EOGT: variants seen among roughly 807,000 people sequenced by gnomAD.
EOGT encodes EGF domain-specific O-linked N-acetylglucosamine transferase.
In EOGT, 55 loss-of-function variants were observed where a neutral mutation model predicts 70.5. The observed-to-expected ratio is 0.78, with a 90% confidence interval of 0.63 to 0.98. The LOEUF (loss-of-function observed/expected upper bound fraction) is 0.98. Ranked by LOEUF, EOGT falls within the 50% of genes least tolerant of loss-of-function variation. The probability of loss-of-function intolerance (pLI) is 0.00; values close to 1 mark genes in which losing one functional copy is unlikely to be tolerated. For missense variants in EOGT, 703 were observed against 641.9 expected (o/e 1.10, Z -1.03); for synonymous variants, 246 against 217.1 (o/e 1.13, Z -1.17).
intron 9 of EOGT, 54 bp from the exon 10 acceptor site, chr3:68,998,168 G>A: frequency 2.0e-6 from 2 of 987,782 alleles, no homozygotes; most frequent in Non-Finnish European, 3.2e-6. Context: ...ACATGATCAA[G>A]CAAGTTTTAT....
At position 69,009,867 on chromosome 3, in the gene EOGT, A is replaced by G; in HGVS notation, c.-14-7T>C. The G allele has an allele frequency of 6.3e-7, 1 of 1,598,352 alleles. No homozygotes were observed. Among genetic ancestry groups the G allele is most frequent in the Non-Finnish European group, 8.6e-7 (1 of 1,168,964 alleles). On this transcript the variant is annotated splice_polypyrimidine_tract_variant and splice_region_variant and intron_variant, in intron 3 of 17. Transcript: ENST00000383701. ...AACATAGCAACCTGCAAACCTAGAG[A>G]TCAAAATGAAGACAACTTTGTTAAC...
At chr3:68,996,940 T>C (rs537355980) in intron 10 of EOGT, among the ~76,000 whole-genome samples, 1 of 152,360 alleles carries the variant, frequency 6.6e-6, no homozygotes, top group East Asian at 1.9e-4. Context: ...AGAGCACAAG[T>C]ACTGTGTACC....
At chr3:69,007,632 A>G (rs764703964) in intron 6 of EOGT, 81 bp downstream of exon 6, 88 of 898,124 alleles carry the variant, frequency 9.8e-5, no homozygotes, top group Non-Finnish European at 1.5e-4. Flanking sequence ...AGCCAGGGCA[A>G]TAGACAGAAA....
At chr3:69,012,875 C>A (rs12485250) in intron 1 of EOGT, 76 bp from the exon 2 acceptor site, 24,459 of 151,872 alleles carry the variant, frequency 0.16, 2,653 homozygotes, top group East Asian at 0.38. Flanking sequence ...ACACAGCGGG[C>A]GAAATGGGGC....
intron 10 of EOGT, among the ~76,000 whole-genome samples, chr3:68,997,391 C>T (rs2091180272): frequency 6.9e-6 from 1 of 144,982 alleles, no homozygotes; most frequent in African/African-American, 2.6e-5. Context: ...TTTTTTGAGA[C>T]AGAGTCTTGC....
intron 10 of EOGT, among the ~76,000 whole-genome samples, chr3:68,995,825 G>C (rs1390189304): frequency 1.3e-5 from 2 of 152,172 alleles, no homozygotes; most frequent in Non-Finnish European, 2.9e-5. Context: ...TGCCTGGATG[G>C]AAACTTTGGT....
intron 10 of EOGT, among the ~76,000 whole-genome samples, chr3:68,989,651 G>C (rs2090923555): frequency 6.7e-6 from 1 of 149,672 alleles, no homozygotes; most frequent in Non-Finnish European, 1.5e-5. Context: ...GGGAGGCTGA[G>C]ACAGGAGAAT....
Position 68,981,074 on chromosome 3 carries a change from A to G in EOGT, c.1215-1287T>C, listed in dbSNP as rs1359818409. Among the ~76,000 whole-genome samples the G allele has an allele frequency of 2.0e-5, 3 of 152,114 alleles. No individual in the cohort carries two copies. In the East Asian group the frequency reaches 5.8e-4, roughly 29 times the overall value. ...TTTCTTCAAGCAACACTGACACAAC[A>G]TTTCTTCAGCGCAGCAGATTTTACA... is the stretch of plus-strand genomic sequence containing the variant. On this transcript the variant is annotated intron_variant, in intron 15 of 17. Coordinates refer to ENST00000383701, the MANE Select transcript of EOGT (RefSeq NM_001278689.2).
At chr3:69,002,628 C>CAA (rs1223460584) in intron 8 of EOGT, among the ~76,000 whole-genome samples, 2 of 118,094 alleles carry the variant, frequency 1.7e-5, no homozygotes, top group African/African-American at 6.2e-5. Context: ...TCTTTAAGGA[C>CAA]AAAAAAAAAA....
At position 68,980,044 on chromosome 3, in the gene EOGT, ATC is replaced by A. The variant is rs554684604; in HGVS notation, c.1215-259_1215-258del. ...TACTTTTTTTAAAGGAAACTTTAAT[ATC>A]TGTCTTAAATGGAAAAGCAGTGACA... On this transcript the variant is annotated intron_variant, in intron 15 of 17. Transcript: ENST00000383701. 1.8e-3 allele frequency among the ~76,000 whole-genome samples: 277 copies of A among 152,320 alleles called. 1 individual carries two copies. Among genetic ancestry groups the A allele is most frequent in the Non-Finnish European group, 2.4e-4 (16 of 68,026 alleles).
intron 16 of EOGT, among the ~76,000 whole-genome samples, chr3:68,978,842 G>A (rs183520766): frequency 5.3e-5 from 8 of 152,274 alleles, no homozygotes; most frequent in African/African-American, 1.9e-4. Flanking sequence ...AGTTTTCTCA[G>A]TTACATTTCT....
chr3:68,985,192 C>T (rs1457256770), intron 14 of EOGT, among the ~76,000 whole-genome samples: 1 of 152,158 alleles, frequency 6.6e-6, no homozygotes, highest in Non-Finnish European at 1.5e-5. Context: ...GCTAGTGAGG[C>T]TTCTCATTTG....
chr3:69,007,936 T>C, intron 5 of EOGT, 115 bp from the exon 6 acceptor site: 1 of 659,898 alleles, frequency 1.5e-6, no homozygotes, highest in Admixed American at 3.4e-5. Flanking sequence ...TTTGTTACAG[T>C]ATATTATCAT....
rs556023125 is a variant in EOGT at position 68,983,729 on chromosome 3, C to T, written c.1153-857G>A. Among the ~76,000 whole-genome samples, 6 of 152,286 alleles carry T rather than the reference C, an allele frequency of 3.9e-5. No individual in the cohort carries two copies. The South Asian group carries it at 6.2e-4, about 16-fold the overall frequency. ...CTGCAATCCCAGCACTTTGGGAGGC[C>T]GAGGCGGGCAGATCACCTGAGGTCA... On this transcript the variant is annotated intron_variant, in intron 14 of 17. Coordinates refer to ENST00000383701, the MANE Select transcript of EOGT (RefSeq NM_001278689.2).
chr3:69,005,244 G>A lies in EOGT; in HGVS notation c.421-10C>T. The A allele has an allele frequency of 1.3e-6, 2 of 1,511,462 alleles. No homozygotes were observed. Among genetic ancestry groups the A allele is most frequent in the Non-Finnish European group, 1.8e-6 (2 of 1,093,730 alleles). The allele number at this position is 1,511,462 out of a possible 1,614,324, so 93.6% of individuals were successfully genotyped here. Reference sequence around the variant, plus strand: ...CCAGACTTGAGTCACTCTGAAGGTTGAGCAAAAGAAAAGAATGACTCTGAG... The same window carrying A: ...CCAGACTTGAGTCACTCTGAAGGTTAAGCAAAAGAAAAGAATGACTCTGAG... On this transcript the variant is annotated splice_polypyrimidine_tract_variant and intron_variant, in intron 6 of 17. Coordinates refer to ENST00000383701, the MANE Select transcript of EOGT (RefSeq NM_001278689.2).
At chr3:69,003,984 T>A (rs1320077081) in intron 8 of EOGT, among the ~76,000 whole-genome samples, 2 of 152,238 alleles carry the variant, frequency 1.3e-5, no homozygotes, top group African/African-American at 2.4e-5. Context: ...GTAATACTTC[T>A]ACCTTGGCCT....
At chr3:68,995,421 A>T (rs2091116455) in intron 10 of EOGT, among the ~76,000 whole-genome samples, 1 of 152,140 alleles carries the variant, frequency 6.6e-6, no homozygotes, top group Admixed American at 6.5e-5. Flanking sequence ...CAAAGGAAGG[A>T]GGTAACACCA....
intron 10 of EOGT, among the ~76,000 whole-genome samples, chr3:68,997,178 A>G (rs1261951705): frequency 1.3e-5 from 2 of 152,236 alleles, no homozygotes. Context: ...GTGTCACTCA[A>G]CACATGCATT....
intron 14 of EOGT, among the ~76,000 whole-genome samples, chr3:68,985,109 C>T (rs2090766485): frequency 6.6e-6 from 1 of 152,178 alleles, no homozygotes; most frequent in African/African-American, 2.4e-5. Context: ...AAAAGGAGCA[C>T]ACAATAATAT....
Sources: gnomAD v4.1 joint callset for allele counts (sites outside exome capture counted in the v4.1 genomes callset) on GRCh38, gnomAD v4.1.1 for gene constraint, MANE v1.5 for transcripts, NCBI Gene and HGNC (gene_info 2026-07-23, HGNC 2026-07-21) for gene names.